CWC27: variants seen among roughly 807,000 people sequenced by gnomAD.
CWC27 encodes the protein CWC27 spliceosome associated cyclophilin, also known as spliceosome-associated protein CWC27 homolog.
Under a neutral mutation model 63.6 loss-of-function variants are expected in CWC27, and 47 were observed. The ratio of observed to expected loss-of-function variants is 0.74; its 90% confidence interval spans 0.58 to 0.94. The LOEUF is 0.94. Among genes scored for constraint, CWC27 ranks in the 40% least tolerant of loss-of-function variants. The probability of loss-of-function intolerance (pLI) is 0.00; values close to 1 mark genes in which losing one functional copy is unlikely to be tolerated. For missense variants in CWC27, 495 were observed against 554.3 expected (o/e 0.89, Z 1.07); for synonymous variants, 175 against 179.8 (o/e 0.97, Z 0.22).
At chr5:64,896,935 C>T (rs747908291) in intron 11 of CWC27, among the ~76,000 whole-genome samples, 13 of 152,080 alleles carry the variant, frequency 8.5e-5, no homozygotes, top group Non-Finnish European at 1.2e-4. Flanking sequence ...AATCAAGCCG[C>T]GCACGGTGGC....
intron 10 of CWC27, among the ~76,000 whole-genome samples, chr5:64,828,144 T>TA (rs1378738058): frequency 0.027 from 4,165 of 152,236 alleles, 194 homozygotes; most frequent in African/African-American, 0.095. Flanking sequence ...CAGGTGATTC[T>TA]TTCTGAATGC....
chr5:64,771,061 A>C (rs1157888185), intron 1 of CWC27, among the ~76,000 whole-genome samples: 1 of 152,222 alleles, frequency 6.6e-6, no homozygotes, highest in African/African-American at 2.4e-5. Context: ...ATAAATGTTT[A>C]ATTACAAAAT....
At chr5:65,017,671 C>T (rs1335976222) in intron 13 of CWC27, among the ~76,000 whole-genome samples, 1 of 152,172 alleles carries the variant, frequency 6.6e-6, no homozygotes, top group African/African-American at 2.4e-5. Context: ...AGTCATAACA[C>T]CATTTGAACA....
rs923481756 is a variant in CWC27, at chr5:64,874,203, C to A, written c.939-11240C>A. Among the ~76,000 whole-genome samples the A allele has an allele frequency of 3.6e-5, 5 of 137,508 alleles. No individual in the cohort carries two copies. The South Asian group carries it at 9.3e-4, about 26-fold the overall frequency. 90.2% of individuals were successfully genotyped at this position (137,508 alleles called of 152,430 possible). A position where few individuals can be genotyped will look rare whatever the true frequency, so the allele number is the denominator to read the frequency against. On this transcript the variant is annotated intron_variant, in intron 10 of 13. Transcript: ENST00000381070. ...TTGAGACAGAGTCTTGCTCTATTGC[C>A]CAGGCTGGAGTGCAGTGGCACAATC...
chr5:64,862,943 A>G (rs955033064), intron 10 of CWC27, among the ~76,000 whole-genome samples: 1 of 152,128 alleles, frequency 6.6e-6, no homozygotes, highest in Non-Finnish European at 1.5e-5. Flanking sequence ...GGGATTTTTT[A>G]TAAGAGCATT....
At chr5:64,785,391 A>T in intron 4 of CWC27, 90 bp from the exon 5 acceptor site, 2 of 590,562 alleles carry the variant, frequency 3.4e-6, no homozygotes. Flanking sequence ...ATTTTCTTTT[A>T]ATTATTTGAA....
intron 11 of CWC27, among the ~76,000 whole-genome samples, chr5:64,923,250 A>G (rs1343349173): frequency 6.6e-6 from 1 of 152,150 alleles, no homozygotes; most frequent in Non-Finnish European, 1.5e-5. Context: ...CTGGCAGGAT[A>G]TCTGAGGCTG....
At chr5:64,786,720 C>G in intron 6 of CWC27, 93 bp downstream of exon 6, 1 of 725,076 alleles carries the variant, frequency 1.4e-6, no homozygotes, top group African/African-American at 1.8e-5. Flanking sequence ...TGTTTACTAG[C>G]AAAGGAGAGG....
At chr5:64,772,269 G>A (rs1743283971) in intron 1 of CWC27, among the ~76,000 whole-genome samples, 1 of 152,052 alleles carries the variant, frequency 6.6e-6, no homozygotes, top group African/African-American at 2.4e-5. Flanking sequence ...CATGAGCTGT[G>A]GGGAGAAAAT....
chr5:65,016,210 T>C (rs1164393398), intron 13 of CWC27, among the ~76,000 whole-genome samples: 6 of 152,226 alleles, frequency 3.9e-5, no homozygotes, highest in Non-Finnish European at 5.9e-5. Flanking sequence ...TTTGCAACTA[T>C]TGTACAATAC....
chr5:64,963,939 C>T (rs1186253181), intron 11 of CWC27, among the ~76,000 whole-genome samples: 1 of 152,104 alleles, frequency 6.6e-6, no homozygotes, highest in East Asian at 1.9e-4. Context: ...AGATTTATGA[C>T]TTTCTGGAAA....
At chr5:64,894,814 C>T (rs945595267) in intron 11 of CWC27, among the ~76,000 whole-genome samples, 3 of 152,178 alleles carry the variant, frequency 2.0e-5, no homozygotes, top group Non-Finnish European at 4.4e-5. Flanking sequence ...TGAACTGGAA[C>T]ATTGCTTTTT....
chr5:64,963,965 T>C (rs908891737), intron 11 of CWC27, among the ~76,000 whole-genome samples: 12 of 152,202 alleles, frequency 7.9e-5, no homozygotes, highest in African/African-American at 2.7e-4. Context: ...TTGACAACAC[T>C]ATGAATTTGA....
intron 7 of CWC27, among the ~76,000 whole-genome samples, chr5:64,796,992 A>G (rs1264751355): frequency 4.2e-5 from 5 of 119,658 alleles, no homozygotes; most frequent in South Asian, 2.6e-4. Context: ...TTCTACCTGT[A>G]TTCTATTTAG....
At position 64,844,067 on chromosome 5, in the gene CWC27, C is replaced by T. The variant is rs752285324; in HGVS notation, c.938+39681C>T. On this transcript the variant is annotated intron_variant, in intron 10 of 13. Transcript: ENST00000381070. Reference sequence around the variant, plus strand: ...AAAACCTGAATTAGAAGTGTAAGAACGGTCTTATTCCAACAGTGCTGCCCC... The same window carrying T: ...AAAACCTGAATTAGAAGTGTAAGAATGGTCTTATTCCAACAGTGCTGCCCC... Among the ~76,000 whole-genome samples the T allele has an allele frequency of 3.3e-5, 5 of 152,260 alleles. No homozygotes were observed. In the South Asian group the frequency reaches 6.2e-4, roughly 19 times the overall value.
intron 13 of CWC27, among the ~76,000 whole-genome samples, chr5:64,991,821 A>G (rs1337296704): frequency 6.6e-6 from 1 of 152,230 alleles, no homozygotes; most frequent in Non-Finnish European, 1.5e-5. Flanking sequence ...TTGTATTTAT[A>G]TTTCATAAGT....
At chr5:64,905,976 G>A (rs978088892) in intron 11 of CWC27, among the ~76,000 whole-genome samples, 1 of 151,840 alleles carries the variant, frequency 6.6e-6, no homozygotes, top group Non-Finnish European at 1.5e-5. Flanking sequence ...ATGGTTTCCA[G>A]CTTCATCCAT....
chr5:64,829,998 G>T, intron 10 of CWC27, among the ~76,000 whole-genome samples: 5 of 131,768 alleles, frequency 3.8e-5, no homozygotes, highest in African/African-American at 5.8e-5. Context: ...TTTTCGCTAT[G>T]CCATTTTTTT....
chr5:64,847,228 TA>T lies in CWC27; in HGVS notation c.939-38214del, dbSNP rs375681334. 4.2e-4 allele frequency among the ~76,000 whole-genome samples: 63 copies of T among 151,512 alleles called. 1 individual carries two copies. The highest frequency in any genetic ancestry group is 1.5e-3 in the African/African-American group (61 of 41,278). ...CATGCAAATTCAAACCAAAAGAGAG[TA>T]GGGGTAGCTATACATACATAAGACA... is the stretch of plus-strand genomic sequence containing the variant. On this transcript the variant is annotated intron_variant, in intron 10 of 13. Transcript: ENST00000381070.
Sources: allele counts gnomAD v4.1 joint callset (sites outside exome capture counted in the v4.1 genomes callset), GRCh38; gene constraint gnomAD v4.1.1; transcripts MANE v1.5; gene names NCBI Gene and HGNC (gene_info 2026-07-23, HGNC 2026-07-21).